Variants in HS6ST3 observed in about 807,000 individuals in gnomAD.
HS6ST3 encodes the protein heparan sulfate 6-O-sulfotransferase 3.
Under a neutral mutation model 36.7 loss-of-function variants are expected in HS6ST3, and 12 were observed. That is an observed-to-expected ratio of 0.33 (90% confidence interval 0.21 to 0.53). HS6ST3 has a LOEUF of 0.53. Among genes scored for constraint, HS6ST3 ranks in the 20% least tolerant of loss-of-function variants. HS6ST3 has a pLI of 0.95. For missense variants in HS6ST3, 584 were observed against 640.9 expected, an observed-to-expected ratio of 0.91 and a Z score of 0.96; for synonymous variants, 240 against 257.5, an observed-to-expected ratio of 0.93 and a Z score of 0.65.
intron 1 of HS6ST3, among the ~76,000 whole-genome samples, chr13:96,564,362 A>C (rs989517255): frequency 2.0e-5 from 3 of 152,172 alleles, no homozygotes; most frequent in Non-Finnish European, 4.4e-5. Context: ...GAACTGCTAT[A>C]ATCTGTCTTG....
intron 1 of HS6ST3, among the ~76,000 whole-genome samples, chr13:96,452,055 C>T (rs1161887172): frequency 3.3e-5 from 5 of 152,144 alleles, no homozygotes; most frequent in African/African-American, 9.7e-5. Flanking sequence ...ACTCTGAATC[C>T]AGCCAGGAAT....
chr13:96,195,736 TA>T (rs1473380062), intron 1 of HS6ST3, among the ~76,000 whole-genome samples: 1 of 152,162 alleles, frequency 6.6e-6, no homozygotes, highest in East Asian at 1.9e-4. Context: ...TTCCGTCAAT[TA>T]TCATCTACTC....
chr13:96,281,290 C>G (rs2054774919), intron 1 of HS6ST3, among the ~76,000 whole-genome samples: 1 of 152,192 alleles, frequency 6.6e-6, no homozygotes, highest in Non-Finnish European at 1.5e-5. Flanking sequence ...AGGCGTGAGC[C>G]ACCGCGCCTA....
intron 1 of HS6ST3, among the ~76,000 whole-genome samples, chr13:96,817,087 C>T (rs1436154521): frequency 6.6e-6 from 1 of 151,738 alleles, no homozygotes; most frequent in Non-Finnish European, 1.5e-5. Context: ...AGTTAAATAC[C>T]TCCAGAACTA....
chr13:96,132,165 CACACACAG>C (rs1381365784), intron 1 of HS6ST3, among the ~76,000 whole-genome samples: 8 of 125,346 alleles, frequency 6.4e-5, no homozygotes, highest in South Asian at 2.6e-4. Context: ...CACACACACA[CACACACAG>C]AGCGCATTTT....
rs570109434 is a variant in HS6ST3 at position 96,091,186 on chromosome 13, C to G, written c.324C>G (p.Asp108Glu). 1 of 1,552,470 alleles carries G rather than the reference C, an allele frequency of 6.4e-7. No homozygotes were observed. Reference sequence around the variant, plus strand: ...AGGGGGAGGAAGAGGAGGAGGAAGACGAGCCGGACCCCGAGGCCCCGGAAA... The same window carrying G: ...AGGGGGAGGAAGAGGAGGAGGAAGAGGAGCCGGACCCCGAGGCCCCGGAAA... ...PREGEEEEEE[D>E]EPDPEAPENG... is the part of the protein sequence containing the mutation. The change falls in exon 1 of 2, where the codon GAC becomes GAG. Residue 108 changes from aspartate to glutamate, a missense_variant. By Grantham distance (45) the Asp-to-Glu change is conservative. This residue lies in a region of HS6ST3 where 217 missense variants were observed against 205.4 expected (regional missense o/e 1.06). Transcript: ENST00000376705.
At chr13:96,105,076 AAAAAG>A (rs892178431) in intron 1 of HS6ST3, among the ~76,000 whole-genome samples, 2 of 151,346 alleles carry the variant, frequency 1.3e-5, no homozygotes, top group African/African-American at 4.8e-5. Context: ...GAAAAAAAAA[AAAAAG>A]AAAAAGAAAG....
intron 1 of HS6ST3, among the ~76,000 whole-genome samples, chr13:96,680,850 C>T (rs1248807038): frequency 6.6e-6 from 1 of 152,166 alleles, no homozygotes; most frequent in Non-Finnish European, 1.5e-5. Flanking sequence ...ATTGGGGAGG[C>T]ATTAGGAGCA....
chr13:96,296,601 A>T (rs1323568926), intron 1 of HS6ST3, among the ~76,000 whole-genome samples: 1 of 152,128 alleles, frequency 6.6e-6, no homozygotes, highest in African/African-American at 2.4e-5. Context: ...AGTATTTTAT[A>T]AAATTAACAA....
intron 1 of HS6ST3, among the ~76,000 whole-genome samples, chr13:96,494,989 C>T (rs894974888): frequency 3.2e-4 from 49 of 152,142 alleles, no homozygotes; most frequent in African/African-American, 1.1e-3. Flanking sequence ...TTGCTCCCAT[C>T]CTCTGCTTTC....
intron 1 of HS6ST3, among the ~76,000 whole-genome samples, chr13:96,812,092 T>C (rs1344902995): frequency 2.6e-5 from 4 of 152,174 alleles, no homozygotes; most frequent in Non-Finnish European, 5.9e-5. Context: ...TAGAGTGGCA[T>C]CCCAACCTTG....
intron 1 of HS6ST3, among the ~76,000 whole-genome samples, chr13:96,313,514 A>G (rs2054952091): frequency 6.6e-6 from 1 of 152,004 alleles, no homozygotes; most frequent in Admixed American, 6.6e-5. Context: ...GTCTTAGACA[A>G]TTCTCATTTA....
In HS6ST3 at chr13:96,223,424, A is replaced by G. The variant is rs571266123; in HGVS notation, c.707+131855A>G. Reference sequence around the variant, plus strand: ...TGCCCTTTGCAATGTGGTTGCCTGCACAGTGGCTTGAACGCCTCACTGACA... The same window carrying G: ...TGCCCTTTGCAATGTGGTTGCCTGCGCAGTGGCTTGAACGCCTCACTGACA... On this transcript the variant is annotated intron_variant, in intron 1 of 1. Transcript: ENST00000376705. 3.9e-5 allele frequency among the ~76,000 whole-genome samples: 6 copies of G among 152,316 alleles called. No homozygotes were observed. In the South Asian group the frequency reaches 1.0e-3, roughly 26 times the overall value.
chr13:96,731,295 A>G (rs1186526009), intron 1 of HS6ST3, among the ~76,000 whole-genome samples: 1 of 152,222 alleles, frequency 6.6e-6, no homozygotes, highest in South Asian at 2.1e-4. Context: ...TTTCCATGAG[A>G]TCAACTTTTT....
At chr13:96,709,925 G>T (rs1236984057) in intron 1 of HS6ST3, among the ~76,000 whole-genome samples, 1 of 152,208 alleles carries the variant, frequency 6.6e-6, no homozygotes, top group Non-Finnish European at 1.5e-5. Flanking sequence ...TTACCTTTTG[G>T]TAGCTTGGAG....
At chr13:96,308,264 A>T (rs1156522593) in intron 1 of HS6ST3, among the ~76,000 whole-genome samples, 2 of 152,246 alleles carry the variant, frequency 1.3e-5, no homozygotes, top group East Asian at 3.9e-4. Flanking sequence ...AAGCATTTGC[A>T]ATGATCTTCG....
chr13:96,260,229 CCCTTCCTTCCTT>C (rs71681344), intron 1 of HS6ST3, among the ~76,000 whole-genome samples: 67,085 of 143,242 alleles, frequency 0.47, 16,314 homozygotes, highest in Admixed American at 0.57. Flanking sequence ...TTTATTTTTT[CCCTTCCTTCCTT>C]CCTTCCTTCC....
Position 96,147,689 on chromosome 13 carries a change from T to C in HS6ST3, c.707+56120T>C, listed in dbSNP as rs75290763. Among the ~76,000 whole-genome samples, 857 of 152,318 alleles carry C rather than the reference T, an allele frequency of 5.6e-3. 8 individuals are homozygous for C. The highest frequency in any genetic ancestry group is 0.019 in the African/African-American group (798 of 41,582). On this transcript the variant is annotated intron_variant, in intron 1 of 1. Coordinates refer to ENST00000376705, the MANE Select transcript of HS6ST3 (RefSeq NM_153456.4). Reference sequence around the variant, plus strand: ...CCTGTGATGGGATGAGATGGTGTCCTGTCCAGGGCTGGTTCCCACCTTGCA... The same window carrying C: ...CCTGTGATGGGATGAGATGGTGTCCCGTCCAGGGCTGGTTCCCACCTTGCA...
At chr13:96,375,400 T>C (rs1428961696) in intron 1 of HS6ST3, among the ~76,000 whole-genome samples, 1 of 152,218 alleles carries the variant, frequency 6.6e-6, no homozygotes, top group Non-Finnish European at 1.5e-5. Context: ...AGGACAGGAA[T>C]CATCTCTGGG....
Sources: allele counts gnomAD v4.1 joint callset (sites outside exome capture counted in the v4.1 genomes callset), GRCh38; gene constraint gnomAD v4.1.1; regional missense constraint gnomAD v4.1.1; transcripts MANE v1.5; gene names NCBI Gene and HGNC (gene_info 2026-07-23, HGNC 2026-07-21).